NLGN1: variants seen among roughly 807,000 people sequenced by gnomAD.
NLGN1 encodes the protein neuroligin 1, also known as neuroligin-1.
A neutral mutation model predicts 65.5 loss-of-function variants in NLGN1; 12 were observed. That is an observed-to-expected ratio of 0.18 (90% CI 0.12 to 0.30). NLGN1 has a LOEUF of 0.30. Among genes scored for constraint, NLGN1 ranks in the 10% least tolerant of loss-of-function variants. The pLI, the probability that NLGN1 is intolerant of heterozygous loss-of-function variation, is 1.00. For synonymous variants in NLGN1, 350 were observed against 359.5 expected (o/e 0.97, Z 0.30); for missense variants, 750 against 1,007.1 (o/e 0.74, Z 3.46).
intron 4 of NLGN1, among the ~76,000 whole-genome samples, chr3:173,893,835 C>G (rs1400785752): frequency 6.6e-6 from 1 of 152,134 alleles, no homozygotes; most frequent in African/African-American, 2.4e-5. Flanking sequence ...ATTTGTAAAT[C>G]CCAACCTCCT....
intron 4 of NLGN1, among the ~76,000 whole-genome samples, chr3:173,875,191 G>A (rs1016056055): frequency 2.0e-5 from 3 of 152,226 alleles, no homozygotes; most frequent in African/African-American, 2.4e-5. Flanking sequence ...TGACCACTGC[G>A]GACATTGAAT....
At chr3:173,450,413 G>A (rs1002113715) in intron 2 of NLGN1, among the ~76,000 whole-genome samples, 3 of 152,220 alleles carry the variant, frequency 2.0e-5, no homozygotes, top group African/African-American at 7.2e-5. Context: ...GGCTTGTAGA[G>A]TTTCTGCTGA....
chr3:174,026,993 G>A (rs1728964661), intron 4 of NLGN1, among the ~76,000 whole-genome samples: 2 of 151,234 alleles, frequency 1.3e-5, no homozygotes, highest in Non-Finnish European at 1.5e-5. Context: ...ATTGTCTTGG[G>A]TGTTCAAGGA....
At chr3:173,560,512 A>G (rs1742544949) in intron 2 of NLGN1, among the ~76,000 whole-genome samples, 1 of 130,282 alleles carries the variant, frequency 7.7e-6, no homozygotes, top group African/African-American at 3.1e-5. Context: ...ATTTAAAGCA[A>G]TCAACAGAAT....
intron 1 of NLGN1, among the ~76,000 whole-genome samples, chr3:173,409,555 T>A (rs907555879): frequency 6.6e-6 from 1 of 152,166 alleles, no homozygotes; most frequent in Non-Finnish European, 1.5e-5. Flanking sequence ...CTTTCCCCCA[T>A]TTCCAACTCC....
At chr3:173,512,107 C>A (rs931448525) in intron 2 of NLGN1, among the ~76,000 whole-genome samples, 2 of 152,134 alleles carry the variant, frequency 1.3e-5, no homozygotes, top group African/African-American at 4.8e-5. Flanking sequence ...TGCCTGTGAC[C>A]TCAAGACCCC....
At chr3:173,657,910 G>A (rs1760313566) in intron 3 of NLGN1, among the ~76,000 whole-genome samples, 2 of 151,810 alleles carry the variant, frequency 1.3e-5, no homozygotes, top group Non-Finnish European at 2.9e-5. Context: ...TCTGATGAAT[G>A]TGACAAGTTT....
intron 2 of NLGN1, among the ~76,000 whole-genome samples, chr3:173,448,128 C>G (rs1720734235): frequency 6.6e-6 from 1 of 152,088 alleles, no homozygotes; most frequent in South Asian, 2.1e-4. Flanking sequence ...GAGGGCATCC[C>G]TGTCTTGTGC....
At chr3:173,542,336 C>G (rs899032018) in intron 2 of NLGN1, among the ~76,000 whole-genome samples, 1 of 151,966 alleles carries the variant, frequency 6.6e-6, no homozygotes, top group Non-Finnish European at 1.5e-5. Context: ...TTATTCTGTT[C>G]TTTAAAGGGT....
At chr3:173,808,020 T>C (rs535075443) in intron 4 of NLGN1, among the ~76,000 whole-genome samples, 188 bp downstream of exon 4, 2 of 152,250 alleles carry the variant, frequency 1.3e-5, no homozygotes, top group African/African-American at 4.8e-5. Flanking sequence ...AACTAAAAGG[T>C]GATGAAATTA....
chr3:173,445,499 T>C (rs1212045791), intron 2 of NLGN1, among the ~76,000 whole-genome samples: 1 of 152,168 alleles, frequency 6.6e-6, no homozygotes. Context: ...TTAGATAATT[T>C]GCCAATGATC....
intron 4 of NLGN1, among the ~76,000 whole-genome samples, chr3:174,213,591 T>C (rs1420577008): frequency 6.6e-6 from 1 of 152,222 alleles, no homozygotes; most frequent in Non-Finnish European, 1.5e-5. Context: ...GGCAGAAATC[T>C]ACTAGTTAAA....
chr3:173,495,691 A>AAAC (rs1553867066), intron 2 of NLGN1, among the ~76,000 whole-genome samples: 2 of 150,568 alleles, frequency 1.3e-5, no homozygotes, highest in Admixed American at 6.6e-5. Context: ...AAAAAAAAAA[A>AAAC]AAAAAACTCT....
intron 2 of NLGN1, among the ~76,000 whole-genome samples, chr3:173,470,234 T>G (rs1458586112): frequency 6.6e-6 from 1 of 152,122 alleles, no homozygotes; most frequent in Admixed American, 6.6e-5. Flanking sequence ...CACCACACCT[T>G]GTTTTTAAAC....
chr3:173,561,946 G>C (rs1014444765), intron 2 of NLGN1, among the ~76,000 whole-genome samples: 6 of 152,268 alleles, frequency 3.9e-5, no homozygotes, highest in African/African-American at 1.2e-4. Context: ...TTGTTTAATG[G>C]TGTGACAATT....
chr3:174,121,951 A>G (rs182678468), intron 4 of NLGN1, among the ~76,000 whole-genome samples: 1 of 152,186 alleles, frequency 6.6e-6, no homozygotes, highest in Non-Finnish European at 1.5e-5. Flanking sequence ...TAAATCAAGC[A>G]GACTTTTCTG....
chr3:173,585,013 C>T (rs1747114268), intron 2 of NLGN1: 1 of 152,316 alleles, frequency 6.6e-6, no homozygotes, highest in Admixed American at 6.5e-5. Flanking sequence ...GGGGCTCCCT[C>T]TGTGGATTTA....
intron 2 of NLGN1, among the ~76,000 whole-genome samples, chr3:173,578,118 C>CCCAGCTACT (rs1224596605): frequency 6.6e-6 from 1 of 151,934 alleles, no homozygotes; most frequent in African/African-American, 2.4e-5. Flanking sequence ...CACCTGTAGT[C>CCCAGCTACT]CCAGCTACTC....
chr3:174,062,075 T>C (rs1402403870), intron 4 of NLGN1, among the ~76,000 whole-genome samples: 1 of 152,022 alleles, frequency 6.6e-6, no homozygotes, highest in African/African-American at 2.4e-5. Flanking sequence ...GTAAGAAAGC[T>C]TTTTCTGTAG....
Sources: gnomAD v4.1 joint callset for allele counts (sites outside exome capture counted in the v4.1 genomes callset) on GRCh38, gnomAD v4.1.1 for gene constraint, MANE v1.5 for transcripts, NCBI Gene and HGNC (gene_info 2026-07-23, HGNC 2026-07-21) for gene names.